The following FAM107B variants were observed in gnomAD, a reference collection of about 807,000 sequenced individuals.
The protein encoded by FAM107B is protein FAM107B.
FAM107B carries 21 observed loss-of-function variants against 31.5 expected under a neutral mutation model. The ratio of observed to expected loss-of-function variants is 0.67; its 90% CI spans 0.47 to 0.96. The LOEUF (loss-of-function observed/expected upper bound fraction) is 0.96, where lower values mean the gene tolerates loss of function less well. Ranked by LOEUF, FAM107B falls within the 40% of genes least tolerant of loss-of-function variation. The pLI is 0.00. For missense variants in FAM107B, 452 were observed against 377.1 expected (o/e 1.20, Z -1.64); for synonymous variants, 157 against 141.5 (o/e 1.11, Z -0.78).
chr10:14,521,109 A>C lies in FAM107B; in HGVS notation c.*81T>G. 9.3e-7 allele frequency: 1 copy of C among 1,078,586 alleles called. No homozygotes were observed. The highest frequency in any genetic ancestry group is 1.4e-6 in the Non-Finnish European group (1 of 725,998). 66.8% of individuals were successfully genotyped at this position (1,078,586 alleles called of 1,614,324 possible). The stretch of plus-strand genomic sequence containing the variant: ...TTCTCTGCTGGCTGAAATATTCTCC[A>C]GGGGCTTTTGCCCTGAGATTGAGAA... On this transcript the variant is annotated 3_prime_UTR_variant, in exon 5 of 5. Transcript: ENST00000181796.
chr10:14,758,654 G>A (rs772140978), intron 1 of FAM107B, among the ~76,000 whole-genome samples: 8 of 152,082 alleles, frequency 5.3e-5, no homozygotes, highest in African/African-American at 1.7e-4. Flanking sequence ...CGGGCTCCCC[G>A]TCTGGAGCGA....
At chr10:14,660,514 C>A (rs1854206339) in intron 2 of FAM107B, among the ~76,000 whole-genome samples, 1 of 152,136 alleles carries the variant, frequency 6.6e-6, no homozygotes, top group Non-Finnish European at 1.5e-5. Flanking sequence ...TGTTAATCTC[C>A]CTCTCTCTAT....
intron 2 of FAM107B, among the ~76,000 whole-genome samples, chr10:14,561,391 G>T (rs537958533): frequency 9.2e-5 from 14 of 152,230 alleles, no homozygotes; most frequent in Non-Finnish European, 2.9e-5. Context: ...GAAACACCGC[G>T]CTGAGAAGAC....
chr10:14,548,413 G>A, intron 2 of FAM107B: 1 of 985,594 alleles, frequency 1.0e-6, no homozygotes. Context: ...AGGTCTGTGA[G>A]GGTGCGTGGG....
intron 2 of FAM107B, among the ~76,000 whole-genome samples, chr10:14,547,360 G>A (rs1206656394): frequency 1.3e-5 from 2 of 152,148 alleles, no homozygotes; most frequent in African/African-American, 4.8e-5. Context: ...ATGACAGCCA[G>A]TCATTCTATC....
intron 1 of FAM107B, among the ~76,000 whole-genome samples, chr10:14,729,803 G>A (rs974087789): frequency 2.6e-5 from 4 of 152,160 alleles, no homozygotes; most frequent in African/African-American, 7.2e-5. Flanking sequence ...GCCCATCAAT[G>A]ATAGACCGGA....
intron 2 of FAM107B, among the ~76,000 whole-genome samples, chr10:14,650,784 T>A (rs1853878424): frequency 6.6e-6 from 1 of 152,252 alleles, no homozygotes; most frequent in South Asian, 2.1e-4. Flanking sequence ...TATTTTGTTA[T>A]ATCACTAAAT....
intron 2 of FAM107B, among the ~76,000 whole-genome samples, chr10:14,637,267 A>AC (rs1260996841): frequency 6.6e-6 from 1 of 151,764 alleles, no homozygotes; most frequent in African/African-American, 2.4e-5. Context: ...TATGATCCCT[A>AC]CCTCCTGGTG....
At chr10:14,600,725 G>A (rs887981609) in intron 2 of FAM107B, among the ~76,000 whole-genome samples, 5 of 152,056 alleles carry the variant, frequency 3.3e-5, no homozygotes, top group East Asian at 1.9e-4. Context: ...CTGCAGCCTC[G>A]AACTCCTGGG....
At chr10:14,673,094 G>C (rs1470307996) in intron 1 of FAM107B, among the ~76,000 whole-genome samples, 1 of 152,300 alleles carries the variant, frequency 6.6e-6, no homozygotes, top group South Asian at 2.1e-4. Context: ...AGGGTAATTA[G>C]CCTGTCCGTC....
intron 2 of FAM107B, among the ~76,000 whole-genome samples, chr10:14,659,435 C>T (rs1390832134): frequency 3.4e-5 from 5 of 148,002 alleles, no homozygotes; most frequent in African/African-American, 1.0e-4. Context: ...AGCAAAACTC[C>T]GTCTCAAAAC....
Position 14,520,988 on chromosome 10 carries a change from TG to T in FAM107B, c.*201del. 1.9e-6 allele frequency: 1 copy of T among 532,860 alleles called. No homozygotes were observed. 33.0% of individuals were successfully genotyped at this position (532,860 alleles called of 1,614,324 possible). A position where few individuals can be genotyped will look rare whatever the true frequency, so the allele number is the denominator to read the frequency against. ...TCATTCCAACTTACGTGCGGGGCAC[TG>T]CCCTTCATTTGGCGAATAGGAACTG... On this transcript the variant is annotated 3_prime_UTR_variant, in exon 5 of 5. Coordinates refer to ENST00000181796, the MANE Select transcript of FAM107B (RefSeq NM_031453.4).
intron 1 of FAM107B, among the ~76,000 whole-genome samples, chr10:14,739,966 A>G (rs956920766): frequency 2.0e-5 from 3 of 152,234 alleles, no homozygotes; most frequent in Admixed American, 1.3e-4. Context: ...CACTGACAAC[A>G]TCAAATTGCG....
At chr10:14,681,011 G>C (rs1469116157) in intron 1 of FAM107B, among the ~76,000 whole-genome samples, 4 of 152,224 alleles carry the variant, frequency 2.6e-5, no homozygotes, top group Non-Finnish European at 5.9e-5. Context: ...TCCAGGATCA[G>C]GGAGACTCTG....
rs1478210222 is a variant in FAM107B at position 14,519,633 on chromosome 10, T to C, written c.*1557A>G. 1 of 152,262 alleles carries C rather than the reference T, an allele frequency of 6.6e-6. No individual in the cohort carries two copies. The highest frequency in any genetic ancestry group is 1.5e-5 in the Non-Finnish European group (1 of 68,048). The allele number at this position is 152,262 out of a possible 1,614,324, so 9.4% of individuals were successfully genotyped here. On this transcript the variant is annotated 3_prime_UTR_variant, in exon 5 of 5. Transcript: ENST00000181796. ...AGCAGTATATTATCATTGCATTTAC[T>C]TTTGTTCCCATTCAGATTGAATATG...
chr10:14,585,983 C>G (rs547737337), intron 2 of FAM107B, among the ~76,000 whole-genome samples: 1 of 152,290 alleles, frequency 6.6e-6, no homozygotes, highest in East Asian at 1.9e-4. Flanking sequence ...TCTCCTGCCA[C>G]TAACTGCTGA....
chr10:14,689,005 T>C (rs1397875695), intron 1 of FAM107B, among the ~76,000 whole-genome samples: 4 of 152,212 alleles, frequency 2.6e-5, no homozygotes, highest in African/African-American at 4.8e-5. Context: ...GGGAAACATT[T>C]CATTTCATTT....
intron 1 of FAM107B, among the ~76,000 whole-genome samples, chr10:14,721,004 C>T (rs1201030328): frequency 6.6e-6 from 1 of 152,078 alleles, no homozygotes; most frequent in East Asian, 1.9e-4. Flanking sequence ...AGGCCCCCAC[C>T]CCATGACAGG....
intron 1 of FAM107B, among the ~76,000 whole-genome samples, chr10:14,770,975 TAAAAAAAAAAAAAAAAAA>T (rs56378196): frequency 3.4e-5 from 2 of 58,922 alleles, no homozygotes; most frequent in African/African-American, 4.9e-5. Context: ...GAGGCTGAAC[TAAAAAAAAAAAAAAAAAA>T]AAAAAAAAAA....
Sources: gnomAD v4.1 joint callset for allele counts (sites outside exome capture counted in the v4.1 genomes callset) on GRCh38, gnomAD v4.1.1 for gene constraint, MANE v1.5 for transcripts, NCBI Gene and HGNC (gene_info 2026-07-23, HGNC 2026-07-21) for gene names.